The following MET variants were observed in gnomAD, a reference collection of about 807,000 sequenced individuals.
MET encodes the protein hepatocyte growth factor receptor.
MET carries 48 observed loss-of-function variants against 133.1 expected under a neutral mutation model. The ratio of observed to expected loss-of-function variants is 0.36; its 90% CI spans 0.29 to 0.46. The LOEUF is 0.46. Among genes scored for constraint, MET ranks in the 20% least tolerant of loss-of-function variants. The probability of loss-of-function intolerance (pLI) is 1.00; values close to 1 mark genes in which losing one functional copy is unlikely to be tolerated. For synonymous variants in MET, 628 were observed against 616.5 expected, an observed-to-expected ratio of 1.02 and a Z score of -0.28; for missense variants, 1,442 against 1,695.9, an observed-to-expected ratio of 0.85 and a Z score of 2.63.
chr7:116,741,166 C>T, intron 5 of MET, 141 bp downstream of exon 5: 2 of 964,882 alleles, frequency 2.1e-6, no homozygotes, highest in South Asian at 3.0e-5. Context: ...ACTCATTTAG[C>T]TGTGAGTCAT....
At chr7:116,716,564 C>A (rs531479171) in intron 2 of MET, among the ~76,000 whole-genome samples, 1 of 151,732 alleles carries the variant, frequency 6.6e-6, no homozygotes, top group Admixed American at 6.6e-5. Flanking sequence ...AGGAAAGACT[C>A]AAAGATGGTT....
At chr7:116,696,512 G>A (rs191414839) in intron 1 of MET, among the ~76,000 whole-genome samples, 2 of 152,204 alleles carry the variant, frequency 1.3e-5, no homozygotes, top group Admixed American at 1.3e-4. Flanking sequence ...TCAACAAACG[G>A]GTTCCATGTG....
intron 5 of MET, among the ~76,000 whole-genome samples, chr7:116,752,904 G>C (rs1318018459): frequency 2.0e-5 from 3 of 152,196 alleles, no homozygotes; most frequent in Non-Finnish European, 4.4e-5. Context: ...GGCAGCAGCT[G>C]TGTGACTGCC....
At chr7:116,742,311 T>C (rs553581931) in intron 5 of MET, among the ~76,000 whole-genome samples, 1 of 152,330 alleles carries the variant, frequency 6.6e-6, no homozygotes, top group South Asian at 2.1e-4. Context: ...GAGAATAAAC[T>C]AAAGACAGTG....
chr7:116,783,713 AG>A (rs1795222107), intron 19 of MET, among the ~76,000 whole-genome samples: 1 of 152,224 alleles, frequency 6.6e-6, no homozygotes, highest in South Asian at 2.1e-4. Context: ...GAGCTGAACC[AG>A]GCATGAACCC....
rs1794241396 is a variant in MET at position 116,757,697 on chromosome 7, T to A, written c.2025T>A (p.Leu675=). The A allele has an allele frequency of 6.2e-7, 1 of 1,614,000 alleles. No individual in the cohort carries two copies. The highest frequency in any genetic ancestry group is 2.2e-5 in the East Asian group (1 of 44,854). Residue 675 remains leucine, a synonymous_variant, in exon 8 of 21, where the codon CTT becomes CTA. Transcript: ENST00000397752. ...GTCCTATGGCTGGTGGCACTTTACT[T>A]ACTTTAACTGGAAATTACCTAAACA... The part of the protein sequence containing the change: ...KYGPMAGGTL[L]TLTGNYLNSG...
At position 116,771,470 on chromosome 7, in the gene MET, C is replaced by G. The variant is rs367711750; in HGVS notation, c.2731-28C>G. On this transcript the variant is annotated intron_variant, in intron 12 of 20. Transcript: ENST00000397752. Reference sequence around the variant, plus strand: ...TACAAATATCTATCATGGCTAAATGCTGACTTTTCTTTATTTGTCATTTTT... The same window carrying G: ...TACAAATATCTATCATGGCTAAATGGTGACTTTTCTTTATTTGTCATTTTT... 3 of 1,613,180 alleles carry G rather than the reference C, an allele frequency of 1.9e-6. No homozygotes were observed. The African/African-American group carries it at 4.0e-5, about 22-fold the overall frequency.
intron 1 of MET, among the ~76,000 whole-genome samples, chr7:116,684,081 G>A (rs565901515): frequency 2.0e-5 from 3 of 151,964 alleles, no homozygotes. Flanking sequence ...GCTACATCAG[G>A]GTTATTAACT....
intron 5 of MET, among the ~76,000 whole-genome samples, chr7:116,752,527 G>A (rs1233566360): frequency 2.6e-5 from 4 of 152,198 alleles, no homozygotes; most frequent in Non-Finnish European, 5.9e-5. Flanking sequence ...TCTATCCAAG[G>A]GTGTGTAGTT....
intron 2 of MET, among the ~76,000 whole-genome samples, chr7:116,708,389 T>C (rs2116645684): frequency 6.6e-6 from 1 of 152,314 alleles, no homozygotes; most frequent in Admixed American, 6.5e-5. Context: ...CTTTACATCT[T>C]AACTACAAGC....
rs118157537 is a variant in MET, at chr7:116,683,018, A to G, written c.-15+10441A>G. On this transcript the variant is annotated intron_variant, in intron 1 of 20. Transcript: ENST00000397752. ...ACACCTGTGAGCACCTCCTCCCTCT[A>G]TCCTACCCACCTTACAACTCTTCCC... 8.3e-3 allele frequency among the ~76,000 whole-genome samples: 1,257 copies of G among 152,110 alleles called. 38 individuals are homozygous for G. Among genetic ancestry groups the G allele is most frequent in the East Asian group, 0.069 (355 of 5,172 alleles).
At chr7:116,749,742 A>T (rs1371648494) in intron 5 of MET, among the ~76,000 whole-genome samples, 2 of 152,244 alleles carry the variant, frequency 1.3e-5, no homozygotes, top group Non-Finnish European at 2.9e-5. Context: ...CCTTAAGCTG[A>T]TAAGCAACTT....
Position 116,699,969 on chromosome 7 carries a change from T to G in MET, c.885T>G (p.Pro295=), listed in dbSNP as rs2116600237. Residue 295 remains proline, a synonymous_variant, in exon 2 of 21, where the codon CCT becomes CCG. Transcript: ENST00000397752. ...NSGLHSYMEM[P]LECILTEKRK... ...GATTGCATTCCTACATGGAAATGCC[T>G]CTGGAGTGTATTCTCACAGAAAAGA... The G allele has an allele frequency of 6.2e-7, 1 of 1,614,044 alleles. No homozygotes were observed. Among genetic ancestry groups the G allele is most frequent in the Non-Finnish European group, 8.5e-7 (1 of 1,179,962 alleles).
rs775439897 is a variant in MET, at chr7:116,699,170, C to T, written c.86C>T (p.Ala29Val). 22 of 1,613,816 alleles carry T rather than the reference C, an allele frequency of 1.4e-5. No individual in the cohort carries two copies. The South Asian group carries it at 1.9e-4, about 14-fold the overall frequency. The change falls in exon 2 of 21, where the codon GCA becomes GTA. Residue 29 changes from alanine (A) to valine (V), a missense_variant. Coordinates refer to ENST00000397752, the MANE Select transcript of MET (RefSeq NM_000245.4). ...AGGAGCAATGGGGAGTGTAAAGAGG[C>T]ACTAGCAAAGTCCGAGATGAATGTG... is the stretch of plus-strand genomic sequence containing the variant. ...VQRSNGECKE[A>V]LAKSEMNVNM... is the part of the protein sequence containing the mutation.
intron 11 of MET, among the ~76,000 whole-genome samples, chr7:116,764,133 C>G (rs1305088304): frequency 1.3e-5 from 2 of 151,964 alleles, no homozygotes; most frequent in African/African-American, 2.4e-5. Flanking sequence ...TCATCTCCAT[C>G]TAAGTAATAA....
At position 116,759,393 on chromosome 7, in the gene MET, G is replaced by A. The variant is rs1794309303; in HGVS notation, c.2267G>A (p.Gly756Asp). 6.2e-7 allele frequency: 1 copy of A among 1,613,384 alleles called. No individual in the cohort carries two copies. The highest frequency in any genetic ancestry group is 1.3e-5 in the African/African-American group (1 of 75,012). ...AGTTTTCTATTTTGCTTTGCCAGTG[G>A]TGGGAGCACAATAACAGGTGTTGGG... ...EIHPTKSFIS[G>D]GSTITGVGKN... The change falls in exon 10 of 21, where the codon GGT (glycine) becomes GAT (aspartate). Residue 756 changes from glycine (G) to aspartate (D), a missense_variant and splice_region_variant. Transcript: ENST00000397752.
intron 1 of MET, among the ~76,000 whole-genome samples, chr7:116,683,663 G>A (rs1796441472): frequency 6.6e-6 from 1 of 152,084 alleles, no homozygotes. Flanking sequence ...TGTACCACAT[G>A]CCCAAGAAAG....
chr7:116,699,865 T>C lies in MET; in HGVS notation c.781T>C (p.Phe261Leu), dbSNP rs765061513. 4 of 1,614,142 alleles carry C rather than the reference T, an allele frequency of 2.5e-6. No individual in the cohort carries two copies. The Admixed American group carries it at 6.7e-5, about 27-fold the overall frequency. Residue 261 changes from phenylalanine to leucine, a missense_variant, in exon 2 of 21, where the codon TTC becomes CTC. Physicochemically the swap from Phe to Leu is conservative, Grantham distance 22. Coordinates refer to ENST00000397752, the MANE Select transcript of MET (RefSeq NM_000245.4). ...HAFESNNFIY[F>L]LTVQRETLDA... ...CTTTGAAAGCAACAATTTTATTTAC[T>C]TCTTGACGGTCCAAAGGGAAACTCT...
chr7:116,780,749 C>T (rs1795132638), intron 17 of MET, among the ~76,000 whole-genome samples: 1 of 152,184 alleles, frequency 6.6e-6, no homozygotes. Flanking sequence ...TGCAGGGTCC[C>T]CACTGACTAC....
Sources: allele counts gnomAD v4.1 joint callset (sites outside exome capture counted in the v4.1 genomes callset), GRCh38; gene constraint gnomAD v4.1.1; transcripts MANE v1.5; gene names NCBI Gene and HGNC (gene_info 2026-07-23, HGNC 2026-07-21).